The following SHANK2 variants were observed in gnomAD, a reference collection of about 807,000 sequenced individuals.
The protein encoded by SHANK2 is SH3 and multiple ankyrin repeat domains protein 2.
A neutral mutation model predicts 133.7 loss-of-function variants in SHANK2; 43 were observed. The observed-to-expected ratio is 0.32, with a 90% CI of 0.25 to 0.41. SHANK2 has a LOEUF of 0.41. SHANK2 is among the 10% of genes least tolerant of loss of function. SHANK2 has a pLI of 1.00. For missense variants in SHANK2, 1,994 were observed against 2,235.8 expected, an observed-to-expected ratio of 0.89 and a Z score of 2.18; for synonymous variants, 1,017 against 952.8, an observed-to-expected ratio of 1.07 and a Z score of -1.24.
At chr11:70,496,679 G>A (rs1227855046) in intron 21 of SHANK2, among the ~76,000 whole-genome samples, 1 of 152,158 alleles carries the variant, frequency 6.6e-6, no homozygotes, top group African/African-American at 2.4e-5. Context: ...AAGGCCATAT[G>A]GGGGCAAACC....
intron 3 of SHANK2, among the ~76,000 whole-genome samples, chr11:71,121,488 G>A (rs1952083540): frequency 6.6e-6 from 1 of 152,188 alleles, no homozygotes; most frequent in Non-Finnish European, 1.5e-5. Flanking sequence ...TGGACAGATT[G>A]CAAAAATTTT....
intron 17 of SHANK2, among the ~76,000 whole-genome samples, chr11:70,656,943 A>G (rs1434602179): frequency 2.0e-5 from 3 of 152,230 alleles, no homozygotes; most frequent in Admixed American, 1.3e-4. Context: ...GGAAATCATG[A>G]CAGGCACCAA....
At chr11:70,773,577 G>T (rs191787654) in intron 14 of SHANK2, among the ~76,000 whole-genome samples, 16 of 152,304 alleles carry the variant, frequency 1.1e-4, no homozygotes, top group African/African-American at 3.6e-4. Flanking sequence ...AGACTCAGGA[G>T]TGATTTTAAT....
At chr11:71,085,818 TATTATATA>T (rs1951391033) in intron 8 of SHANK2, among the ~76,000 whole-genome samples, 1 of 116 alleles carries the variant, frequency 8.6e-3, no homozygotes, top group Non-Finnish European at 0.013. Context: ...TATTATGTTA[TATTATATA>T]ATAATATTAT....
intron 9 of SHANK2, among the ~76,000 whole-genome samples, chr11:71,065,503 G>C (rs1951040539): frequency 7.0e-6 from 1 of 143,400 alleles, no homozygotes. Context: ...CAGTGAGTGG[G>C]GAAGTTGGGG....
chr11:70,834,860 G>A (rs1347884608), intron 11 of SHANK2, among the ~76,000 whole-genome samples: 2 of 152,138 alleles, frequency 1.3e-5, no homozygotes, highest in Non-Finnish European at 2.9e-5. Context: ...AGGAGCGGGC[G>A]TCGGAACCTC....
At chr11:70,754,181 A>G (rs1033896715) in intron 14 of SHANK2, among the ~76,000 whole-genome samples, 13 of 152,200 alleles carry the variant, frequency 8.5e-5, no homozygotes, top group African/African-American at 3.1e-4. Flanking sequence ...AATTTTGCCA[A>G]TCATTTCAAG....
chr11:70,564,680 ATTC>A (rs1206168150), intron 17 of SHANK2, among the ~76,000 whole-genome samples: 1 of 152,040 alleles, frequency 6.6e-6, no homozygotes, highest in Non-Finnish European at 1.5e-5. Context: ...TTTAAAAAGA[ATTC>A]TTTTTTTTTC....
intron 14 of SHANK2, among the ~76,000 whole-genome samples, chr11:70,745,326 G>A (rs373576548): frequency 8.9e-4 from 135 of 152,304 alleles, no homozygotes; most frequent in African/African-American, 3.0e-3. Flanking sequence ...GCTTACTCTC[G>A]GTTGAGTGGT....
chr11:70,818,029 CTGGTCCCT>C (rs1350984783), intron 12 of SHANK2, among the ~76,000 whole-genome samples: 4 of 152,240 alleles, frequency 2.6e-5, no homozygotes, highest in Non-Finnish European at 5.9e-5. Context: ...GCTACCGCAC[CTGGTCCCT>C]TGTTTTATAA....
chr11:70,742,942 C>A (rs1946560165), intron 14 of SHANK2, among the ~76,000 whole-genome samples: 2 of 152,250 alleles, frequency 1.3e-5, no homozygotes, highest in African/African-American at 4.8e-5. Context: ...GAGCCGGCTC[C>A]TGGCCTGGCG....
intron 1 of SHANK2, among the ~76,000 whole-genome samples, chr11:71,238,254 G>A (rs1404112812): frequency 6.6e-6 from 1 of 152,258 alleles, no homozygotes; most frequent in Non-Finnish European, 1.5e-5. Flanking sequence ...CAACAGGCCA[G>A]TGGGCAGCCC....
intron 15 of SHANK2, among the ~76,000 whole-genome samples, chr11:70,685,401 G>C (rs1688211102): frequency 1.3e-5 from 2 of 151,858 alleles, no homozygotes; most frequent in South Asian, 4.2e-4. Flanking sequence ...TGTTATACCA[G>C]GCATTAGACC....
chr11:71,148,247 G>A (rs1952695633), intron 2 of SHANK2, among the ~76,000 whole-genome samples: 2 of 152,230 alleles, frequency 1.3e-5, no homozygotes, highest in Admixed American at 1.3e-4. Flanking sequence ...ACTACACCCA[G>A]CTAATTTTGT....
Position 70,500,874 on chromosome 11 carries a change from C to G in SHANK2, c.2288-284G>C, listed in dbSNP as rs2059040543. 1.5e-6 allele frequency: 1 copy of G among 671,728 alleles called. No homozygotes were observed. Among genetic ancestry groups the G allele is most frequent in the Admixed American group, 2.2e-5 (1 of 46,344 alleles). 41.6% of individuals were successfully genotyped at this position (671,728 alleles called of 1,614,324 possible). A position where few individuals can be genotyped will look rare whatever the true frequency, so the allele number is the denominator to read the frequency against. On this transcript the variant is annotated intron_variant, in intron 20 of 25. Transcript: ENST00000601538. The surrounding 1 kb of genome is among the most constrained non-coding windows in gnomAD (Gnocchi z 4.5). ...TCCTTCTTCCTCAGCACCCCTTGTC[C>G]CACCAGCACCCTGCCAAAGTAGGGA...
rs1945902271 is a variant in SHANK2 at position 70,715,777 on chromosome 11, C to G, written c.1778-17014G>C. Among the ~76,000 whole-genome samples the G allele has an allele frequency of 2.6e-5, 4 of 152,198 alleles. 1 individual carries two copies. In the South Asian group the frequency reaches 8.3e-4, roughly 32 times the overall value. On this transcript the variant is annotated intron_variant, in intron 14 of 25. Coordinates refer to ENST00000601538, the MANE Select transcript of SHANK2 (RefSeq NM_012309.5). Reference sequence around the variant, plus strand: ...AGCAGGCTCCGTTTCCAGAATGGCTCTCTCTCCTCTATCTGTCCAGAAGGA... The same window carrying G: ...AGCAGGCTCCGTTTCCAGAATGGCTGTCTCTCCTCTATCTGTCCAGAAGGA...
At chr11:71,094,954 A>C (rs546679797) in intron 6 of SHANK2, among the ~76,000 whole-genome samples, 1 of 152,356 alleles carries the variant, frequency 6.6e-6, no homozygotes, top group African/African-American at 2.4e-5. Flanking sequence ...TGTGTGGGCC[A>C]CAGTCCAAGA....
intron 12 of SHANK2, among the ~76,000 whole-genome samples, chr11:70,816,179 C>A (rs1411694236): frequency 6.6e-6 from 1 of 152,234 alleles, no homozygotes; most frequent in East Asian, 1.9e-4. Flanking sequence ...TCAGTGCAGG[C>A]CAGGTGCTGA....
chr11:70,734,486 G>C (rs1946360090), intron 14 of SHANK2, among the ~76,000 whole-genome samples: 2 of 152,200 alleles, frequency 1.3e-5, no homozygotes, highest in African/African-American at 4.8e-5. Context: ...GCAAAATTCA[G>C]CCAGGCTTCA....
Sources: gnomAD v4.1 joint callset for allele counts (sites outside exome capture counted in the v4.1 genomes callset) on GRCh38, gnomAD v4.1.1 for gene constraint, Gnocchi (gnomAD v3.1) non-coding constraint, MANE v1.5 for transcripts, NCBI Gene and HGNC (gene_info 2026-07-23, HGNC 2026-07-21) for gene names.